The following NKAIN2 variants were observed in gnomAD, a reference collection of about 807,000 sequenced individuals.
NKAIN2 encodes sodium/potassium-transporting ATPase subunit beta-1-interacting protein 2.
Under a neutral mutation model 32.6 loss-of-function variants are expected in NKAIN2, and 14 were observed. That is an observed-to-expected ratio of 0.43 (90% CI 0.28 to 0.67). NKAIN2 has a LOEUF of 0.67. NKAIN2 is among the 30% of genes least tolerant of loss of function. NKAIN2 has a pLI of 0.17. For missense variants in NKAIN2, 198 were observed against 258.3 expected, an observed-to-expected ratio of 0.77 and a Z score of 1.60; for synonymous variants, 80 against 87.2, an observed-to-expected ratio of 0.92 and a Z score of 0.46.
intron 1 of NKAIN2, among the ~76,000 whole-genome samples, chr6:123,948,454 A>T (rs1777171347): frequency 6.6e-6 from 1 of 151,920 alleles, no homozygotes; most frequent in African/African-American, 2.4e-5. Flanking sequence ...TAATAAAATA[A>T]TTTTAACTAG....
At chr6:123,900,242 C>T (rs879320123) in intron 1 of NKAIN2, among the ~76,000 whole-genome samples, 5 of 152,050 alleles carry the variant, frequency 3.3e-5, no homozygotes, top group Middle Eastern at 3.4e-3. Flanking sequence ...GAGGCTGAGG[C>T]GGGCGGATCA....
intron 3 of NKAIN2, among the ~76,000 whole-genome samples, chr6:124,363,659 A>T (rs1799392038): frequency 6.6e-6 from 1 of 152,220 alleles, no homozygotes; most frequent in African/African-American, 2.4e-5. Flanking sequence ...AGAACAAGCC[A>T]GGGGCAAACC....
At chr6:123,985,636 T>A (rs148403187) in intron 1 of NKAIN2, among the ~76,000 whole-genome samples, 46 of 152,310 alleles carry the variant, frequency 3.0e-4, no homozygotes, top group African/African-American at 1.0e-3. Flanking sequence ...AAGTACTAAG[T>A]GAGTCCCAAT....
At chr6:124,173,473 A>G (rs1788996985) in intron 1 of NKAIN2, among the ~76,000 whole-genome samples, 1 of 152,104 alleles carries the variant, frequency 6.6e-6, no homozygotes, top group African/African-American at 2.4e-5. Context: ...AATTTCCTCA[A>G]AGATTGAGCC....
chr6:124,558,623 GAGAA>G (rs147818689), intron 3 of NKAIN2, among the ~76,000 whole-genome samples: 2,522 of 152,250 alleles, frequency 0.017, 63 homozygotes, highest in African/African-American at 0.058. Flanking sequence ...GGGCAGGAAG[GAGAA>G]AGAAACTTTT....
intron 2 of NKAIN2, among the ~76,000 whole-genome samples, chr6:124,294,719 A>C (rs896763841): frequency 1.3e-5 from 2 of 151,992 alleles, no homozygotes; most frequent in Non-Finnish European, 2.9e-5. Flanking sequence ...TTAAGGAAAT[A>C]GTTGTCATTT....
chr6:124,654,989 T>TA (rs1784490142), intron 3 of NKAIN2, among the ~76,000 whole-genome samples: 1 of 152,164 alleles, frequency 6.6e-6, no homozygotes, highest in African/African-American at 2.4e-5. Context: ...CTAATATAGT[T>TA]ACTGTATTAG....
At chr6:124,072,544 C>T (rs982223136) in intron 1 of NKAIN2, among the ~76,000 whole-genome samples, 2 of 152,032 alleles carry the variant, frequency 1.3e-5, no homozygotes, top group African/African-American at 2.4e-5. Flanking sequence ...CTCAAGCCTC[C>T]GCATTAAGCC....
intron 3 of NKAIN2, among the ~76,000 whole-genome samples, chr6:124,633,670 A>G (rs1276985420): frequency 6.6e-6 from 1 of 152,204 alleles, no homozygotes; most frequent in African/African-American, 2.4e-5. Flanking sequence ...GAACCAAGAG[A>G]CATTTTAAAC....
At chr6:124,704,159 A>G (rs529900698) in intron 4 of NKAIN2, among the ~76,000 whole-genome samples, 4 of 152,000 alleles carry the variant, frequency 2.6e-5, no homozygotes, top group Non-Finnish European at 4.4e-5. Context: ...GATTGAGAGA[A>G]AAAATGCACT....
intron 3 of NKAIN2, among the ~76,000 whole-genome samples, chr6:124,421,385 C>T (rs1358532828): frequency 2.6e-5 from 4 of 152,124 alleles, no homozygotes; most frequent in African/African-American, 2.4e-5. Flanking sequence ...GTGGAGATGA[C>T]GTCTCAGTTA....
At chr6:124,146,251 A>G in intron 1 of NKAIN2, among the ~76,000 whole-genome samples, 1 of 152,340 alleles carries the variant, frequency 6.6e-6, no homozygotes, top group South Asian at 2.1e-4. Context: ...GTCAATTAGA[A>G]AAAATACAAT....
At chr6:124,684,399 A>G (rs1454508960) in intron 4 of NKAIN2, among the ~76,000 whole-genome samples, 2 of 152,214 alleles carry the variant, frequency 1.3e-5, no homozygotes, top group Admixed American at 1.3e-4. Flanking sequence ...GACTCCTATC[A>G]GAAACTGTGT....
chr6:124,376,115 C>T (rs185343483), intron 3 of NKAIN2, among the ~76,000 whole-genome samples: 1 of 152,170 alleles, frequency 6.6e-6, no homozygotes, highest in East Asian at 1.9e-4. Flanking sequence ...TAATTACTCT[C>T]TAATTGGAGA....
At chr6:124,114,797 C>T (rs571737500) in intron 1 of NKAIN2, among the ~76,000 whole-genome samples, 1 of 152,232 alleles carries the variant, frequency 6.6e-6, no homozygotes, top group African/African-American at 2.4e-5. Context: ...GAGGATTCTG[C>T]TACATTCTTA....
intron 1 of NKAIN2, among the ~76,000 whole-genome samples, chr6:123,840,830 T>G (rs1194655859): frequency 6.6e-6 from 1 of 152,186 alleles, no homozygotes; most frequent in African/African-American, 2.4e-5. Context: ...GATATTTTTA[T>G]AGTTTATATA....
Position 124,818,402 on chromosome 6 carries a change from G to C in NKAIN2, c.551G>C (p.Gly184Ala), listed in dbSNP as rs756666272. The C allele has an allele frequency of 6.3e-7, 1 of 1,597,560 alleles. No homozygotes were observed. Among genetic ancestry groups the C allele is most frequent in the African/African-American group, 1.3e-5 (1 of 74,476 alleles). ...CCCTTTTCAGTTGATTTCATAGGTG[G>C]CTTTGACTCTTATGGCTATCAAGGG... ...EEEDSFDFIG[G>A]FDSYGYQGPQ... Residue 184 changes from glycine (G) to alanine (A), a missense_variant, in exon 6 of 7, where the codon GGC (glycine) becomes GCC (alanine). Transcript: ENST00000368417.
chr6:124,333,745 G>A (rs942942956), intron 2 of NKAIN2, among the ~76,000 whole-genome samples: 9 of 152,178 alleles, frequency 5.9e-5, no homozygotes, highest in South Asian at 2.1e-4. Flanking sequence ...AACACACTTT[G>A]TTGGTATTTT....
At chr6:124,279,630 A>G (rs1795204007) in intron 1 of NKAIN2, among the ~76,000 whole-genome samples, 1 of 152,082 alleles carries the variant, frequency 6.6e-6, no homozygotes, top group South Asian at 2.1e-4. Flanking sequence ...ACTGTAGGTC[A>G]GTTTATAGAT....
Sources: gnomAD v4.1 joint callset for allele counts (sites outside exome capture counted in the v4.1 genomes callset) on GRCh38, gnomAD v4.1.1 for gene constraint, MANE v1.5 for transcripts, NCBI Gene and HGNC (gene_info 2026-07-23, HGNC 2026-07-21) for gene names.